Variants in EYA4 observed in about 807,000 individuals in gnomAD.
EYA4 encodes EYA transcriptional coactivator and phosphatase 4, also known as protein phosphatase EYA4.
In EYA4, 31 loss-of-function variants were observed where a neutral mutation model predicts 87.9. The ratio of observed to expected loss-of-function variants is 0.35; its 90% CI spans 0.27 to 0.48. EYA4 has a LOEUF of 0.48. Ranked by LOEUF, EYA4 falls within the 20% of genes least tolerant of loss-of-function variation. The pLI is 0.99. For synonymous variants in EYA4, 263 were observed against 270.6 expected (o/e 0.97, Z 0.28); for missense variants, 678 against 761.4 (o/e 0.89, Z 1.29).
At chr6:133,440,081 G>C (rs1792122060) in intron 3 of EYA4, among the ~76,000 whole-genome samples, 1 of 152,122 alleles carries the variant, frequency 6.6e-6, no homozygotes, top group Admixed American at 6.5e-5. Flanking sequence ...CTCAGTTTTA[G>C]TTTTATAGTG....
chr6:133,270,146 A>G (rs1472812084), intron 1 of EYA4, among the ~76,000 whole-genome samples: 1 of 152,212 alleles, frequency 6.6e-6, no homozygotes, highest in Non-Finnish European at 1.5e-5. Flanking sequence ...ACCCTCACAG[A>G]CACACCCAGG....
chr6:133,273,097 G>GTATATATATATATATATATATAAA (rs3065331), intron 1 of EYA4, among the ~76,000 whole-genome samples: 1 of 106,638 alleles, frequency 9.4e-6, no homozygotes, highest in South Asian at 3.8e-4. Context: ...ATATATATAT[G>GTATATATATATATATATATATAAA]TATATATATA....
intron 5 of EYA4, among the ~76,000 whole-genome samples, chr6:133,451,640 C>G (rs1793451013): frequency 6.6e-6 from 1 of 152,040 alleles, no homozygotes; most frequent in South Asian, 2.1e-4. Context: ...ACAATACCAG[C>G]CATCCAGGAA....
intron 1 of EYA4, among the ~76,000 whole-genome samples, chr6:133,260,690 G>A (rs1775730089): frequency 6.6e-6 from 1 of 152,070 alleles, no homozygotes; most frequent in Non-Finnish European, 1.5e-5. Flanking sequence ...TACCACAGAT[G>A]CAGTAAACAT....
At chr6:133,490,268 A>G (rs1458672659) in intron 13 of EYA4, among the ~76,000 whole-genome samples, 1 of 152,168 alleles carries the variant, frequency 6.6e-6, no homozygotes, top group Non-Finnish European at 1.5e-5. Flanking sequence ...AAACCACAAA[A>G]CAACCAGCAA....
At chr6:133,259,326 G>C (rs748425486) in intron 1 of EYA4, among the ~76,000 whole-genome samples, 1 of 152,146 alleles carries the variant, frequency 6.6e-6, no homozygotes, top group South Asian at 2.1e-4. Context: ...GTGAAAGCAG[G>C]ACACATAGCA....
chr6:133,257,471 T>C (rs773045183), intron 1 of EYA4, among the ~76,000 whole-genome samples: 46 of 152,240 alleles, frequency 3.0e-4, no homozygotes, highest in Admixed American at 5.9e-4. Context: ...ATATGACTGA[T>C]ATTTATTTCT....
At chr6:133,254,313 A>T (rs923464108) in intron 1 of EYA4, among the ~76,000 whole-genome samples, 1 of 152,162 alleles carries the variant, frequency 6.6e-6, no homozygotes, top group African/African-American at 2.4e-5. Flanking sequence ...TATAGATTTC[A>T]TTTGAGAGAA....
intron 13 of EYA4, among the ~76,000 whole-genome samples, chr6:133,485,335 C>T (rs1214447701): frequency 6.6e-6 from 1 of 152,020 alleles, no homozygotes; most frequent in African/African-American, 2.4e-5. Flanking sequence ...AAGGGTGGGG[C>T]AAAGCGAGGG....
intron 19 of EYA4, among the ~76,000 whole-genome samples, chr6:133,527,892 A>G (rs1267273936): frequency 6.6e-6 from 1 of 152,140 alleles, no homozygotes; most frequent in Non-Finnish European, 1.5e-5. Flanking sequence ...CCTGTAATGC[A>G]GTGTTTTTTC....
chr6:133,450,052 C>T (rs1793269256), intron 5 of EYA4, among the ~76,000 whole-genome samples: 1 of 151,900 alleles, frequency 6.6e-6, no homozygotes, highest in African/African-American at 2.4e-5. Context: ...GTGGCGCGAT[C>T]TCCGCTCACT....
At chr6:133,284,380 G>C (rs1777864724) in intron 2 of EYA4, among the ~76,000 whole-genome samples, 1 of 152,052 alleles carries the variant, frequency 6.6e-6, no homozygotes, top group South Asian at 2.1e-4. Context: ...TGCAACATTG[G>C]CTAGGCTGGT....
At chr6:133,282,097 G>T (rs1777674285) in intron 2 of EYA4, among the ~76,000 whole-genome samples, 1 of 151,946 alleles carries the variant, frequency 6.6e-6, no homozygotes, top group African/African-American at 2.4e-5. Context: ...TTTTCCTTTG[G>T]GTCTATAACC....
intron 2 of EYA4, among the ~76,000 whole-genome samples, chr6:133,344,173 A>T (rs1014884201): frequency 2.0e-5 from 3 of 152,362 alleles, no homozygotes; most frequent in Non-Finnish European, 4.4e-5. Context: ...AGGCACGGTT[A>T]TATGCCAAGT....
At chr6:133,476,005 T>C (rs1217000322) in intron 11 of EYA4, among the ~76,000 whole-genome samples, 2 of 152,118 alleles carry the variant, frequency 1.3e-5, no homozygotes, top group East Asian at 3.9e-4. Flanking sequence ...CATGTGACTT[T>C]TATTTTAATT....
chr6:133,322,607 C>T (rs1781177873), intron 2 of EYA4, among the ~76,000 whole-genome samples: 1 of 152,116 alleles, frequency 6.6e-6, no homozygotes, highest in African/African-American at 2.4e-5. Context: ...CTCATAGTAG[C>T]TGGGCCTAAT....
intron 2 of EYA4, among the ~76,000 whole-genome samples, chr6:133,345,202 A>G (rs1033639469): frequency 3.9e-5 from 6 of 152,156 alleles, no homozygotes; most frequent in Non-Finnish European, 8.8e-5. Flanking sequence ...AAACTATGCT[A>G]TGAAAGAAAA....
intron 2 of EYA4, among the ~76,000 whole-genome samples, chr6:133,328,802 G>A (rs2128376651): frequency 6.6e-6 from 1 of 152,192 alleles, no homozygotes; most frequent in Non-Finnish European, 1.5e-5. Flanking sequence ...GGATCATTTT[G>A]ATGAAAACAC....
intron 3 of EYA4, among the ~76,000 whole-genome samples, chr6:133,441,478 CACT>C (rs1475170081): frequency 2.6e-5 from 4 of 152,128 alleles, no homozygotes; most frequent in African/African-American, 9.7e-5. Context: ...GAAGGGTGCG[CACT>C]TACAGATAGA....
Sources: gnomAD v4.1 joint callset for allele counts (sites outside exome capture counted in the v4.1 genomes callset) on GRCh38, gnomAD v4.1.1 for gene constraint, MANE v1.5 for transcripts, NCBI Gene and HGNC (gene_info 2026-07-23, HGNC 2026-07-21) for gene names.